RIMBP2: variants seen among roughly 807,000 people sequenced by gnomAD.
The protein encoded by RIMBP2 is RIMS-binding protein 2.
RIMBP2 carries 48 observed loss-of-function variants against 118.6 expected under a neutral mutation model. The ratio of observed to expected loss-of-function variants is 0.40; its 90% CI spans 0.32 to 0.51. The LOEUF is 0.51. Among genes scored for constraint, RIMBP2 ranks in the 20% least tolerant of loss-of-function variants. The pLI is 0.41. For missense variants in RIMBP2, 1,551 were observed against 1,768.3 expected, an observed-to-expected ratio of 0.88 and a Z score of 2.20; for synonymous variants, 762 against 742.9, an observed-to-expected ratio of 1.03 and a Z score of -0.42.
intron 7 of RIMBP2, among the ~76,000 whole-genome samples, chr12:130,452,074 G>C (rs570965200): frequency 1.3e-4 from 20 of 152,192 alleles, no homozygotes; most frequent in Non-Finnish European, 2.8e-4. Context: ...CGCTGGCCTG[G>C]GTGTCAGACG....
intron 2 of RIMBP2, among the ~76,000 whole-genome samples, chr12:130,554,639 G>C (rs1466059312): frequency 6.6e-6 from 1 of 152,008 alleles, no homozygotes; most frequent in East Asian, 1.9e-4. Flanking sequence ...TCACTTACGT[G>C]CTGCTCTACA....
chr12:130,619,130 C>A (rs1314106001), intron 2 of RIMBP2, among the ~76,000 whole-genome samples: 1 of 152,124 alleles, frequency 6.6e-6, no homozygotes, highest in Non-Finnish European at 1.5e-5. Flanking sequence ...TTAATTAATC[C>A]ACTTCTTCCT....
chr12:130,629,284 CA>C (rs1437982100), intron 1 of RIMBP2, among the ~76,000 whole-genome samples: 2 of 152,186 alleles, frequency 1.3e-5, no homozygotes, highest in Admixed American at 1.3e-4. Context: ...TCTGTATGGT[CA>C]AAATTCAATT....
chr12:130,655,323 C>A (rs1206969213), intron 1 of RIMBP2, among the ~76,000 whole-genome samples: 1 of 152,202 alleles, frequency 6.6e-6, no homozygotes, highest in African/African-American at 2.4e-5. Flanking sequence ...CAACTGTCTG[C>A]CACTCTGTGA....
chr12:130,654,001 C>G (rs550011244), intron 1 of RIMBP2, among the ~76,000 whole-genome samples: 4 of 152,204 alleles, frequency 2.6e-5, no homozygotes, highest in Non-Finnish European at 5.9e-5. Flanking sequence ...CCTAAAAGAT[C>G]TCTGAAATGC....
At chr12:130,611,931 C>T (rs1305645143) in intron 2 of RIMBP2, among the ~76,000 whole-genome samples, 2 of 152,170 alleles carry the variant, frequency 1.3e-5, no homozygotes, top group African/African-American at 4.8e-5. Context: ...TGGGGAAAAC[C>T]AATTGGCTGC....
At position 130,409,504 on chromosome 12, in the gene RIMBP2, G is replaced by A. The variant is rs558148792; in HGVS notation, c.3590-1675C>T. On this transcript the variant is annotated intron_variant, in intron 19 of 22. Coordinates refer to ENST00000690449, the MANE Select transcript of RIMBP2 (RefSeq NM_001393629.1). ...ACTGCAGGCGCCCGCCACCACGCCC[G>A]GCTAATTTTTTTGTATTTTTTTGTA... Among the ~76,000 whole-genome samples the A allele has an allele frequency of 9.2e-5, 14 of 151,984 alleles. No individual in the cohort carries two copies. The South Asian group carries it at 2.9e-3, about 32-fold the overall frequency.
intron 1 of RIMBP2, chr12:130,633,919 T>TC (rs1302698440): frequency 6.6e-6 from 1 of 152,374 alleles, no homozygotes; most frequent in African/African-American, 2.4e-5. Flanking sequence ...ATGTTTGTGC[T>TC]CGGCACCAGG....
At chr12:130,646,053 C>G (rs1451314912) in intron 1 of RIMBP2, among the ~76,000 whole-genome samples, 26 of 127,672 alleles carry the variant, frequency 2.0e-4, no homozygotes, top group African/African-American at 6.1e-4. Flanking sequence ...CTCTCCACCT[C>G]CCTCACCACC....
chr12:130,546,420 A>C (rs1318550843), intron 2 of RIMBP2, among the ~76,000 whole-genome samples: 2 of 152,020 alleles, frequency 1.3e-5, no homozygotes, highest in Non-Finnish European at 2.9e-5. Context: ...CTCAGCCTCC[A>C]GAGGAGCTGG....
In RIMBP2 at chr12:130,438,347, C is replaced by A; in HGVS notation, c.1656+18G>T. On this transcript the variant is annotated intron_variant, in intron 12 of 22. Coordinates refer to ENST00000690449, the MANE Select transcript of RIMBP2 (RefSeq NM_001393629.1). ...TAGGGCCTAACAAACCCTCCCCACC[C>A]ACCCAACGAAAACTCACCCTCTGCC... 5 of 1,527,296 alleles carry A rather than the reference C, an allele frequency of 3.3e-6. No homozygotes were observed. The South Asian group carries it at 3.3e-5, about 10-fold the overall frequency. The allele number at this position is 1,527,296 out of a possible 1,614,324, so 94.6% of individuals were successfully genotyped here.
At chr12:130,478,785 T>C (rs1243417778) in intron 5 of RIMBP2, 127 bp downstream of exon 5, 2 of 654,808 alleles carry the variant, frequency 3.1e-6, no homozygotes, top group South Asian at 1.8e-5. Flanking sequence ...AATTCTTCTG[T>C]GCAAGCAGAG....
intron 2 of RIMBP2, among the ~76,000 whole-genome samples, chr12:130,521,911 A>G (rs2052168364): frequency 6.6e-6 from 1 of 152,194 alleles, no homozygotes; most frequent in Non-Finnish European, 1.5e-5. Flanking sequence ...CACACAAAAG[A>G]GGGTTTAGGG....
intron 2 of RIMBP2, among the ~76,000 whole-genome samples, chr12:130,543,711 C>A (rs1027863371): frequency 2.0e-5 from 3 of 151,372 alleles, no homozygotes; most frequent in African/African-American, 7.3e-5. Flanking sequence ...AATGACACCA[C>A]ATGAATTTGG....
intron 2 of RIMBP2, among the ~76,000 whole-genome samples, chr12:130,614,051 A>G (rs1403516332): frequency 1.3e-5 from 2 of 152,164 alleles, no homozygotes; most frequent in African/African-American, 4.8e-5. Flanking sequence ...CAGTGTTAGC[A>G]GGTTCTATTG....
At position 130,424,728 on chromosome 12, in the gene RIMBP2, A is replaced by C; in HGVS notation, c.2543T>G (p.Leu848Arg). ...AEEDGECCGL[L>R]HKQGAGPSPR... ...GGACGGCCCTGCACCCTGCTTGTGT[A>C]GCAGCCCACAGCACTCTCCGTCCTC... The change falls in exon 16 of 23, where the codon CTA becomes CGA. Residue 848 changes from leucine (L) to arginine (R), a missense_variant. Around this residue, in one of 5 missense-constraint regions of RIMBP2, gnomAD observed 1,038 missense variants for 1,125.1 expected, o/e 0.92. Coordinates refer to ENST00000690449, the MANE Select transcript of RIMBP2 (RefSeq NM_001393629.1). The surrounding 1 kb of genome is among the most constrained non-coding windows in gnomAD (Gnocchi z 9.8). 3 of 1,232,140 alleles carry C rather than the reference A, an allele frequency of 2.4e-6. No homozygotes were observed. Among genetic ancestry groups the C allele is most frequent in the Non-Finnish European group, 3.0e-6 (3 of 988,014 alleles). The allele number at this position is 1,232,140 out of a possible 1,614,324, so 76.3% of individuals were successfully genotyped here.
chr12:130,582,850 C>T (rs139511503), intron 2 of RIMBP2, among the ~76,000 whole-genome samples: 109 of 152,296 alleles, frequency 7.2e-4, no homozygotes, highest in African/African-American at 2.4e-3. Flanking sequence ...TTCATTCCAA[C>T]GCCCTTAACA....
chr12:130,613,219 G>A (rs773429220), intron 2 of RIMBP2, among the ~76,000 whole-genome samples: 4 of 152,344 alleles, frequency 2.6e-5, no homozygotes, highest in African/African-American at 4.8e-5. Context: ...CAGTGCTGGC[G>A]GGTTGCCGGG....
At chr12:130,628,776 T>C (rs143630692) in intron 1 of RIMBP2, among the ~76,000 whole-genome samples, 2 of 152,134 alleles carry the variant, frequency 1.3e-5, no homozygotes, top group Non-Finnish European at 2.9e-5. Flanking sequence ...CCAAAAGAAA[T>C]GCACTTAGGG....
Sources: gnomAD v4.1 joint callset for allele counts (sites outside exome capture counted in the v4.1 genomes callset) on GRCh38, gnomAD v4.1.1 for gene constraint, gnomAD v4.1.1 regional missense constraint, Gnocchi (gnomAD v3.1) non-coding constraint, MANE v1.5 for transcripts, NCBI Gene and HGNC (gene_info 2026-07-23, HGNC 2026-07-21) for gene names.